Variants in SLC4A7 observed in about 807,000 individuals in gnomAD.
SLC4A7 encodes the protein sodium bicarbonate cotransporter 3.
In SLC4A7, 51 loss-of-function variants were observed where a neutral mutation model predicts 137.6. That is an observed-to-expected ratio of 0.37 (90% CI 0.30 to 0.47). SLC4A7 has a LOEUF of 0.47. SLC4A7 is among the 20% of genes least tolerant of loss of function. The pLI is 1.00. For missense variants in SLC4A7, 1,247 were observed against 1,525.4 expected, an observed-to-expected ratio of 0.82 and a Z score of 3.04; for synonymous variants, 542 against 518.6, an observed-to-expected ratio of 1.05 and a Z score of -0.61.
intron 18 of SLC4A7, among the ~76,000 whole-genome samples, chr3:27,396,021 A>AT (rs960602050): frequency 2.0e-3 from 296 of 151,782 alleles, no homozygotes; most frequent in African/African-American, 6.4e-3. Context: ...TTTTATAGCA[A>AT]TTTTTTTTTA....
intron 1 of SLC4A7, among the ~76,000 whole-genome samples, chr3:27,461,621 AAAG>A (rs1304002571): frequency 1.3e-4 from 19 of 151,666 alleles, no homozygotes; most frequent in South Asian, 4.2e-4. Context: ...AAAAAAAAAA[AAAG>A]AATAAATAAA....
chr3:27,430,189 T>C (rs1316307859), intron 7 of SLC4A7, among the ~76,000 whole-genome samples: 1 of 151,944 alleles, frequency 6.6e-6, no homozygotes, highest in Non-Finnish European at 1.5e-5. Context: ...GCTATGATTG[T>C]GGCACTGCAC....
chr3:27,379,213 G>A lies in SLC4A7; in HGVS notation c.3698+36C>T, dbSNP rs769440549. 1.2e-5 allele frequency: 13 copies of A among 1,126,932 alleles called. No individual in the cohort carries two copies. The Admixed American group carries it at 1.4e-4, about 12-fold the overall frequency. The allele number at this position is 1,126,932 out of a possible 1,614,324, so 69.8% of individuals were successfully genotyped here. A position where few individuals can be genotyped will look rare whatever the true frequency, so the allele number is the denominator to read the frequency against. On this transcript the variant is annotated intron_variant, in intron 25 of 25. Transcript: ENST00000454389. The stretch of plus-strand genomic sequence containing the variant: ...AGCTATCATAAGTAAATGAAAATTG[G>A]CTACAGTTAGAAAACACACAAATAG...
At chr3:27,392,764 T>G (rs2051705483) in intron 20 of SLC4A7, among the ~76,000 whole-genome samples, 1 of 151,806 alleles carries the variant, frequency 6.6e-6, no homozygotes, top group Non-Finnish European at 1.5e-5. Flanking sequence ...AGGCAGAGGT[T>G]GCAGTGAGCC....
intron 1 of SLC4A7, among the ~76,000 whole-genome samples, chr3:27,469,397 A>G (rs1032159171): frequency 3.9e-5 from 6 of 152,236 alleles, no homozygotes; most frequent in South Asian, 4.2e-4. Context: ...ATCCCCTACT[A>G]ATCACAAGTC....
intron 7 of SLC4A7, among the ~76,000 whole-genome samples, chr3:27,428,798 A>G (rs2055933101): frequency 6.6e-6 from 1 of 152,224 alleles, no homozygotes; most frequent in African/African-American, 2.4e-5. Flanking sequence ...GATAATACTT[A>G]TGTGATTAAA....
intron 11 of SLC4A7, among the ~76,000 whole-genome samples, chr3:27,412,305 G>A (rs1194632974): frequency 6.6e-6 from 1 of 152,084 alleles, no homozygotes; most frequent in East Asian, 1.9e-4. Flanking sequence ...CTCTGTTAAA[G>A]ACAAAGAAAT....
chr3:27,389,921 G>T lies in SLC4A7; in HGVS notation c.3360+10C>A. 1 of 1,606,926 alleles carries T rather than the reference G, an allele frequency of 6.2e-7. No homozygotes were observed. Among genetic ancestry groups the T allele is most frequent in the Non-Finnish European group, 8.5e-7 (1 of 1,174,690 alleles). The stretch of plus-strand genomic sequence containing the variant: ...TAATTAGTGACAAAATAAGTCTGAA[G>T]AAATCTTACCATCATGGGAAAAACC... On this transcript the variant is annotated intron_variant, in intron 22 of 25. Transcript: ENST00000454389.
intron 1 of SLC4A7, among the ~76,000 whole-genome samples, chr3:27,480,866 C>T (rs73050099): frequency 6.6e-6 from 1 of 152,076 alleles, no homozygotes; most frequent in African/African-American, 2.4e-5. Flanking sequence ...AATGTAAATG[C>T]CATCACTGTG....
intron 7 of SLC4A7, among the ~76,000 whole-genome samples, chr3:27,426,394 T>A (rs2055624708): frequency 6.6e-6 from 1 of 152,184 alleles, no homozygotes; most frequent in African/African-American, 2.4e-5. Flanking sequence ...AGTTAACCAG[T>A]GTTTTTCAGT....
In SLC4A7 at chr3:27,436,774, C is replaced by T. The variant is rs750907167; in HGVS notation, c.429-226G>A. On this transcript the variant is annotated intron_variant, in intron 4 of 25. Coordinates refer to ENST00000454389, the MANE Select transcript of SLC4A7 (RefSeq NM_001321103.2). Reference sequence around the variant, plus strand: ...TCTAGGTATCATAATAATAAGCCTACAAAAACAAACTATGGAATTTCATAT... The same window carrying T: ...TCTAGGTATCATAATAATAAGCCTATAAAAACAAACTATGGAATTTCATAT... Among the ~76,000 whole-genome samples, 47 of 152,200 alleles carry T rather than the reference C, an allele frequency of 3.1e-4. No homozygotes were observed. The Middle Eastern group carries it at 0.01, about 33-fold the overall frequency.
chr3:27,396,320 T>C (rs2052158653), intron 18 of SLC4A7, among the ~76,000 whole-genome samples: 1 of 152,130 alleles, frequency 6.6e-6, no homozygotes, highest in South Asian at 2.1e-4. Flanking sequence ...TCAAGTATAT[T>C]TTATGCCCCT....
chr3:27,399,140 G>A (rs1207957141), intron 16 of SLC4A7, among the ~76,000 whole-genome samples: 2 of 151,968 alleles, frequency 1.3e-5, no homozygotes, highest in Non-Finnish European at 2.9e-5. Context: ...AAGAAAAATA[G>A]TTAAATGTTC....
chr3:27,478,805 T>C (rs539359661), intron 1 of SLC4A7, among the ~76,000 whole-genome samples: 192 of 131,310 alleles, frequency 1.5e-3, no homozygotes, highest in African/African-American at 5.5e-3. Context: ...CTGGCCAACA[T>C]AGTGAAACCC....
At chr3:27,478,945 C>G (rs1021171916) in intron 1 of SLC4A7, among the ~76,000 whole-genome samples, 3 of 151,590 alleles carry the variant, frequency 2.0e-5, no homozygotes, top group African/African-American at 7.3e-5. Context: ...GTGGAGGTTG[C>G]CGTGAGTCGA....
At chr3:27,394,022 T>C (rs1248994379) in intron 20 of SLC4A7, among the ~76,000 whole-genome samples, 3 of 151,886 alleles carry the variant, frequency 2.0e-5, no homozygotes, top group Non-Finnish European at 2.9e-5. Context: ...CATATTATAA[T>C]TTTTTTTGTT....
intron 11 of SLC4A7, among the ~76,000 whole-genome samples, chr3:27,416,912 T>C (rs1429138895): frequency 6.6e-6 from 1 of 152,186 alleles, no homozygotes; most frequent in African/African-American, 2.4e-5. Context: ...TCTCCCTCAG[T>C]TGAATGAGAA....
Position 27,445,879 on chromosome 3 carries a change from C to T in SLC4A7, c.289+2772G>A, listed in dbSNP as rs529033569. The stretch of plus-strand genomic sequence containing the variant: ...CCTGGGAGGCAGAGGTTGCAGTGAG[C>T]TGAGATCGTGCCACCGCACTCCAGC... On this transcript the variant is annotated intron_variant, in intron 3 of 25. Coordinates refer to ENST00000454389, the MANE Select transcript of SLC4A7 (RefSeq NM_001321103.2). 1.1e-4 allele frequency among the ~76,000 whole-genome samples: 14 copies of T among 123,822 alleles called. No individual in the cohort carries two copies. In the South Asian group the frequency reaches 3.7e-3, roughly 33 times the overall value. The allele number at this position is 123,822 out of a possible 152,430, so 81.2% of individuals were successfully genotyped here.
In SLC4A7 at chr3:27,447,276, G is replaced by A. The variant is rs896991912; in HGVS notation, c.289+1375C>T. Among the ~76,000 whole-genome samples the A allele has an allele frequency of 5.3e-5, 8 of 152,102 alleles. No homozygotes were observed. In the East Asian group the frequency reaches 1.5e-3, roughly 29 times the overall value. On this transcript the variant is annotated intron_variant, in intron 3 of 25. Coordinates refer to ENST00000454389, the MANE Select transcript of SLC4A7 (RefSeq NM_001321103.2). ...AATTTAATATTTGTATTTTTAAAAT[G>A]CTAAGATGGTTATATATTAAAAATA...
Sources: allele counts gnomAD v4.1 joint callset (sites outside exome capture counted in the v4.1 genomes callset), GRCh38; gene constraint gnomAD v4.1.1; transcripts MANE v1.5; gene names NCBI Gene and HGNC (gene_info 2026-07-23, HGNC 2026-07-21).